Variants in NPEPL1 observed in about 807,000 individuals in gnomAD.
NPEPL1 encodes the protein probable aminopeptidase NPEPL1.
In NPEPL1, 45 loss-of-function variants were observed where a neutral mutation model predicts 52.4. The ratio of observed to expected loss-of-function variants is 0.86; its 90% CI spans 0.68 to 1.10. NPEPL1 has a LOEUF of 1.10. NPEPL1 is among the 50% of genes least tolerant of loss of function. The pLI, the probability that NPEPL1 is intolerant of heterozygous loss-of-function variation, is 0.00. For missense variants in NPEPL1, 696 were observed against 710.9 expected (o/e 0.98, Z 0.24); for synonymous variants, 360 against 314.7 (o/e 1.14, Z -1.52).
Position 58,705,375 on chromosome 20 carries a change from C to T in NPEPL1, c.823-1748C>T, listed in dbSNP as rs1239617504. 4 of 434,088 alleles carry T rather than the reference C, an allele frequency of 9.2e-6. No individual in the cohort carries two copies. In the East Asian group the frequency reaches 2.1e-4, roughly 23 times the overall value. The allele number at this position is 434,088 out of a possible 1,614,324, so 26.9% of individuals were successfully genotyped here. A position where few individuals can be genotyped will look rare whatever the true frequency, so the allele number is the denominator to read the frequency against. ...CTGCCCGTCAGCAACAGCAGGAGTA[C>T]ATTATGAGTCACACGGAATATGGAA... On this transcript the variant is annotated intron_variant, in intron 6 of 11. Transcript: ENST00000356091.
At chr20:58,714,840 G>A (rs965702868) in intron 11 of NPEPL1, 170 bp downstream of exon 11, 17 of 632,794 alleles carry the variant, frequency 2.7e-5, no homozygotes, top group Non-Finnish European at 4.7e-5. Context: ...TGGGAACAGA[G>A]TGGCTGCTGT....
At position 58,712,581 on chromosome 20, in the gene NPEPL1, T is replaced by C; in HGVS notation, c.1001+2T>C. 1 of 1,605,000 alleles carries C rather than the reference T, an allele frequency of 6.2e-7. No individual in the cohort carries two copies. Among genetic ancestry groups the C allele is most frequent in the Non-Finnish European group, 8.5e-7 (1 of 1,171,918 alleles). ...CATCCACCTGCTGTACTCAGGGAAG[T>C]ACGTCTGGCCCTCCCACTCCTTCCT... On this transcript the variant is annotated splice_donor_variant, in intron 8 of 11. Coordinates refer to ENST00000356091, the MANE Select transcript of NPEPL1 (RefSeq NM_024663.4). LOFTEE classifies it high-confidence loss of function.
upstream of NPEPL1, chr20:58,692,204 C>G: frequency 3.6e-6 from 1 of 278,986 alleles, no homozygotes; most frequent in South Asian, 6.0e-5. The surrounding 1 kb of genome is among the most constrained non-coding windows in gnomAD (Gnocchi z 5.7). Context: ...AAAGCCACGT[C>G]CCTGTCACCC....
In NPEPL1 at chr20:58,701,062, C is replaced by T. The variant is rs1048516311; in HGVS notation, c.726C>T (p.Ala242=). 39 of 1,595,614 alleles carry T rather than the reference C, an allele frequency of 2.4e-5. No homozygotes were observed. Among genetic ancestry groups the T allele is most frequent in the Middle Eastern group, 1.6e-4 (1 of 6,062 alleles). The part of the protein sequence containing the change: ...GKAALHPPAL[A]VLSHTPDGAT... ...CCGCCCTGCATCCCCCAGCCCTGGC[C>T]GTCCTCAGCCACACCCCAGATGGAG... is the stretch of plus-strand genomic sequence containing the variant. Residue 242 remains alanine (A), a synonymous_variant, in exon 6 of 12, where the codon GCC becomes GCT. Transcript: ENST00000356091.
At position 58,712,395 on chromosome 20, in the gene NPEPL1, T is replaced by C. The variant is rs528007002; in HGVS notation, c.901-84T>C. 6 of 840,198 alleles carry C rather than the reference T, an allele frequency of 7.1e-6. No individual in the cohort carries two copies. In the East Asian group the frequency reaches 1.5e-4, roughly 20 times the overall value. 52.0% of individuals were successfully genotyped at this position (840,198 alleles called of 1,614,324 possible). ...CCATCTCTCTCTCTCCTGCTGTCTG[T>C]GGGTCTGAGAACCCCCAGCTCGTCC... On this transcript the variant is annotated intron_variant, in intron 7 of 11. Transcript: ENST00000356091.
chr20:58,706,121 A>C (rs1256022444), intron 6 of NPEPL1, among the ~76,000 whole-genome samples: 1 of 152,208 alleles, frequency 6.6e-6, no homozygotes, highest in African/African-American at 2.4e-5. Context: ...AAAATGTAAA[A>C]ATGTGTAACA....
intron 7 of NPEPL1, among the ~76,000 whole-genome samples, chr20:58,707,526 G>A (rs1174312359): frequency 6.6e-6 from 1 of 152,222 alleles, no homozygotes; most frequent in Non-Finnish European, 1.5e-5. Flanking sequence ...AGAAGCTCAT[G>A]GCAGGGGCAC....
At chr20:58,714,744 A>G (rs903926032) in intron 11 of NPEPL1, 74 bp downstream of exon 11, 2 of 1,169,574 alleles carry the variant, frequency 1.7e-6, no homozygotes, top group South Asian at 1.4e-5. Flanking sequence ...CTGGCTCTGG[A>G]GCTGCTGGCA....
chr20:58,691,043 C>G (rs1452179143), upstream of NPEPL1: 1 of 700,142 alleles, frequency 1.4e-6, no homozygotes, highest in African/African-American at 1.8e-5. Context: ...GGACTTCTCC[C>G]ACGTGGAAGG....
At chr20:58,702,537 T>C (rs185659897) in intron 6 of NPEPL1, among the ~76,000 whole-genome samples, 1 of 149,196 alleles carries the variant, frequency 6.7e-6, no homozygotes, top group African/African-American at 2.4e-5. Context: ...GGGTTTTTTG[T>C]TTTTTTTTAA....
Position 58,712,407 on chromosome 20 carries a change from C to A in NPEPL1, c.901-72C>A, listed in dbSNP as rs1294803366. ...CTCCTGCTGTCTGTGGGTCTGAGAACCCCCAGCTCGTCCTCCCCCCTCCCC... is the reference window on the plus strand; with the variant it reads ...CTCCTGCTGTCTGTGGGTCTGAGAAACCCCAGCTCGTCCTCCCCCCTCCCC... On this transcript the variant is annotated intron_variant, in intron 7 of 11. Coordinates refer to ENST00000356091, the MANE Select transcript of NPEPL1 (RefSeq NM_024663.4). 1.1e-5 allele frequency: 11 copies of A among 971,970 alleles called. No individual in the cohort carries two copies. In the Admixed American group the frequency reaches 1.6e-4, roughly 14 times the overall value. 60.2% of individuals were successfully genotyped at this position (971,970 alleles called of 1,614,324 possible).
intron 2 of NPEPL1, 40 bp from the exon 3 acceptor site, chr20:58,694,382 G>C: frequency 1.3e-6 from 2 of 1,552,096 alleles, no homozygotes; most frequent in Non-Finnish European, 1.7e-6. Context: ...CCCTGGTGGC[G>C]GCCCTTGCAC....
At position 58,692,906 on chromosome 20, in the gene NPEPL1, G is replaced by A. The variant is rs1400517184; in HGVS notation, c.6G>A (p.Ala2=). 1.9e-6 allele frequency: 2 copies of A among 1,070,930 alleles called. No homozygotes were observed. Among genetic ancestry groups the A allele is most frequent in the Non-Finnish European group, 2.3e-6 (2 of 881,554 alleles). 66.3% of individuals were successfully genotyped at this position (1,070,930 alleles called of 1,614,324 possible). ...GGGCGTGGGCCGGCAGGAAGATGGC[G>A]AACGTGGGGCTGCAGTTCCAGGCGA... M[A]NVGLQFQASA... is the part of the protein sequence containing the mutation. Residue 2 remains alanine, a synonymous_variant, in exon 1 of 12, where the codon GCG becomes GCA. Coordinates refer to ENST00000356091, the MANE Select transcript of NPEPL1 (RefSeq NM_024663.4). This position sits in a 1 kb window ranked among gnomAD's most constrained non-coding sequence, Gnocchi z 5.7.
In NPEPL1 at chr20:58,715,265, G is replaced by C; in HGVS notation, c.1511G>C (p.Cys504Ser). ...CTGAACCTGGTGTCCCCACTGGGCT[G>C]TGAGGTGGATGTCGAGGAGGGGGAC... ...PLLNLVSPLG[C>S]EVDVEEGDLG... Residue 504 changes from cysteine to serine, a missense_variant, in exon 12 of 12, where the codon TGT becomes TCT. Physicochemically the swap from Cys to Ser is moderately radical, Grantham distance 112. Coordinates refer to ENST00000356091, the MANE Select transcript of NPEPL1 (RefSeq NM_024663.4). 1 of 1,611,326 alleles carries C rather than the reference G, an allele frequency of 6.2e-7. No individual in the cohort carries two copies. The highest frequency in any genetic ancestry group is 8.5e-7 in the Non-Finnish European group (1 of 1,179,370).
At chr20:58,692,053 T>C, upstream of NPEPL1, 1 of 578,772 alleles carries the variant, frequency 1.7e-6, no homozygotes, top group Non-Finnish European at 3.1e-6. This position sits in a 1 kb window ranked among gnomAD's most constrained non-coding sequence, Gnocchi z 5.7. Context: ...TGCTCCTTCC[T>C]CGTCTCATCT....
chr20:58,691,957 CT>C (rs1270647596), upstream of NPEPL1: 6 of 697,390 alleles, frequency 8.6e-6, no homozygotes, highest in Non-Finnish European at 1.0e-5. Context: ...AGGCTCACCC[CT>C]GGCTCCTCCA....
intron 6 of NPEPL1, among the ~76,000 whole-genome samples, chr20:58,702,566 C>T (rs912810263): frequency 6.6e-6 from 1 of 152,050 alleles, no homozygotes. Flanking sequence ...ACATGCCTCC[C>T]TATGGGTCTC....
chr20:58,699,577 TGGCTCAGCA>T (rs1434333368), intron 5 of NPEPL1, among the ~76,000 whole-genome samples: 1 of 152,248 alleles, frequency 6.6e-6, no homozygotes, highest in Non-Finnish European at 1.5e-5. Flanking sequence ...CTCCTGGGAC[TGGCTCAGCA>T]GGGCCTTTCT....
upstream of NPEPL1, chr20:58,691,398 T>TGTGGG: frequency 2.2e-6 from 1 of 461,420 alleles, no homozygotes; most frequent in Non-Finnish European, 3.8e-6. Context: ...TTTTTTTTTT[T>TGTGGG]TTTGAGTGCC....
Sources: gnomAD v4.1 joint callset for allele counts (sites outside exome capture counted in the v4.1 genomes callset) on GRCh38, gnomAD v4.1.1 for gene constraint, Gnocchi (gnomAD v3.1) non-coding constraint, MANE v1.5 for transcripts, NCBI Gene and HGNC (gene_info 2026-07-23, HGNC 2026-07-21) for gene names.